SLC35E2B: variants seen among roughly 807,000 people sequenced by gnomAD.
The protein encoded by SLC35E2B is solute carrier family 35 member E2B, also known as solute carrier family 35, member E2B.
A neutral mutation model predicts 32.4 loss-of-function variants in SLC35E2B; 18 were observed. That is an observed-to-expected ratio of 0.56 (90% CI 0.38 to 0.82). The LOEUF (loss-of-function observed/expected upper bound fraction) is 0.82, where lower values mean the gene tolerates loss of function less well. SLC35E2B is among the 40% of genes least tolerant of loss of function. SLC35E2B has a pLI of 0.00. For missense variants in SLC35E2B, 263 were observed against 469.5 expected (o/e 0.56, Z 4.06); for synonymous variants, 132 against 209.1 (o/e 0.63, Z 3.18).
At chr1:1,677,416 G>A (rs1643863087) in intron 2 of SLC35E2B, among the ~76,000 whole-genome samples, 2 of 151,492 alleles carry the variant, frequency 1.3e-5, no homozygotes, top group Non-Finnish European at 2.9e-5. Flanking sequence ...GCACCTTCTC[G>A]ATGGGCTTTG....
chr1:1,680,316 A>AT (rs1337597869), intron 2 of SLC35E2B, among the ~76,000 whole-genome samples: 1 of 151,236 alleles, frequency 6.6e-6, no homozygotes, highest in Non-Finnish European at 1.5e-5. Flanking sequence ...ATTAAAAAAA[A>AT]GTTAAAAAAA....
chr1:1,678,112 C>T (rs931065880), intron 2 of SLC35E2B, among the ~76,000 whole-genome samples: 7 of 152,132 alleles, frequency 4.6e-5, no homozygotes, highest in South Asian at 4.1e-4. Flanking sequence ...CGTGTGGTGC[C>T]GGCCGTGCTG....
chr1:1,662,948 C>G lies in SLC35E2B; in HGVS notation c.*2834G>C. On this transcript the variant is annotated 3_prime_UTR_variant, in exon 10 of 10. Coordinates refer to ENST00000617444, the MANE Select transcript of SLC35E2B (RefSeq NM_001290264.2). ...AAAGTTATTTTAAAAAATGTCTGTA[C>G]AATCGTTAACACGGCCAAGCCAGGC... 1.8e-5 allele frequency: 16 copies of G among 906,904 alleles called. 1 individual carries two copies. Among genetic ancestry groups the G allele is most frequent in the South Asian group, 4.9e-5 (1 of 20,454 alleles). The allele number at this position is 906,904 out of a possible 1,614,324, so 56.2% of individuals were successfully genotyped here. A position where few individuals can be genotyped will look rare whatever the true frequency, so the allele number is the denominator to read the frequency against.
intron 2 of SLC35E2B, among the ~76,000 whole-genome samples, chr1:1,685,750 G>T (rs1557766029): frequency 6.6e-6 from 1 of 152,156 alleles, no homozygotes; most frequent in Non-Finnish European, 1.5e-5. Context: ...GGGTACGCAG[G>T]TGATGGACAC....
At chr1:1,684,789 CAA>C (rs1175219653) in intron 2 of SLC35E2B, among the ~76,000 whole-genome samples, 1 of 23,734 alleles carries the variant, frequency 4.2e-5, no homozygotes, top group African/African-American at 1.8e-4. Flanking sequence ...GACTCCATCT[CAA>C]AAAAAAAAAA....
rs1281784087 is a variant in SLC35E2B, at chr1:1,664,320, G to T, written c.*1462C>A. On this transcript the variant is annotated 3_prime_UTR_variant, in exon 10 of 10. Coordinates refer to ENST00000617444, the MANE Select transcript of SLC35E2B (RefSeq NM_001290264.2). ...CTGAATGATTTTATCTTCAGGAGGGGCTATTTTTGTATTTCCCAGGTGAGA... is the reference window on the plus strand; with the variant it reads ...CTGAATGATTTTATCTTCAGGAGGGTCTATTTTTGTATTTCCCAGGTGAGA... 3.5e-5 allele frequency: 32 copies of T among 919,608 alleles called. 2 individuals carry two copies. The highest frequency in any genetic ancestry group is 4.9e-5 in the South Asian group (1 of 20,594). 57.0% of individuals were successfully genotyped at this position (919,608 alleles called of 1,614,324 possible).
chr1:1,663,926 C>A lies in SLC35E2B; in HGVS notation c.*1856G>T, dbSNP rs2101086810. ...AGCGGCTGAAGCAGGTGTAGTAGCC[C>A]ACGCCTATATTCTCGACACTACAGG... On this transcript the variant is annotated 3_prime_UTR_variant, in exon 10 of 10. Coordinates refer to ENST00000617444, the MANE Select transcript of SLC35E2B (RefSeq NM_001290264.2). 1.5e-6 allele frequency: 1 copy of A among 648,734 alleles called. No homozygotes were observed. Among genetic ancestry groups the A allele is most frequent in the South Asian group, 6.1e-5 (1 of 16,290 alleles). 40.2% of individuals were successfully genotyped at this position (648,734 alleles called of 1,614,324 possible).
intron 2 of SLC35E2B, among the ~76,000 whole-genome samples, chr1:1,689,227 G>A (rs1268494271): frequency 1.3e-5 from 2 of 152,040 alleles, no homozygotes; most frequent in Non-Finnish European, 2.9e-5. Context: ...ACGAGTTGCT[G>A]AAGAAGGAAA....
At chr1:1,673,793 C>T (rs1187642869) in intron 5 of SLC35E2B, among the ~76,000 whole-genome samples, 1 of 151,862 alleles carries the variant, frequency 6.6e-6, no homozygotes, top group Non-Finnish European at 1.5e-5. Flanking sequence ...GAAACCCAGT[C>T]TCTACTAAAA....
Position 1,665,694 on chromosome 1 carries a change from C to G in SLC35E2B, c.*88G>C. 6.7e-7 allele frequency: 1 copy of G among 1,498,890 alleles called. No homozygotes were observed. The allele number at this position is 1,498,890 out of a possible 1,614,324, so 92.8% of individuals were successfully genotyped here. A position where few individuals can be genotyped will look rare whatever the true frequency, so the allele number is the denominator to read the frequency against. On this transcript the variant is annotated 3_prime_UTR_variant, in exon 10 of 10. Coordinates refer to ENST00000617444, the MANE Select transcript of SLC35E2B (RefSeq NM_001290264.2). ...CAACTTAGCTCCCCATGTCCTGCACCCCAGCAGGGCCATGGAGGAGGGCGT... is the reference window on the plus strand; with the variant it reads ...CAACTTAGCTCCCCATGTCCTGCACGCCAGCAGGGCCATGGAGGAGGGCGT...
chr1:1,688,929 T>C (rs939352988), intron 2 of SLC35E2B, among the ~76,000 whole-genome samples: 1 of 151,690 alleles, frequency 6.6e-6, no homozygotes, highest in Non-Finnish European at 1.5e-5. Flanking sequence ...CCCAGCACTT[T>C]GGGAGGCCGA....
At chr1:1,690,276 GT>G (rs1181194832) in intron 2 of SLC35E2B, among the ~76,000 whole-genome samples, 3 of 109,276 alleles carry the variant, frequency 2.7e-5, no homozygotes, top group Non-Finnish European at 5.6e-5. Context: ...ACAAAACTCT[GT>G]CTCAAAAAAA....
At chr1:1,678,764 GACA>G (rs1379362050) in intron 2 of SLC35E2B, among the ~76,000 whole-genome samples, 1 of 152,126 alleles carries the variant, frequency 6.6e-6, no homozygotes, top group Non-Finnish European at 1.5e-5. Flanking sequence ...AGCCTGGGGT[GACA>G]ACAAGCTGGG....
intron 2 of SLC35E2B, among the ~76,000 whole-genome samples, chr1:1,678,513 C>T (rs752573439): frequency 1.6e-4 from 24 of 152,122 alleles, no homozygotes; most frequent in Admixed American, 3.3e-4. Context: ...CATCACACCG[C>T]CAGCTCAGTG....
At position 1,665,020 on chromosome 1, in the gene SLC35E2B, C is replaced by T. The variant is rs185448343; in HGVS notation, c.*762G>A. The T allele has an allele frequency of 7.3e-4, 715 of 975,928 alleles. 3 individuals carry two copies. The African/African-American group carries it at 0.012, about 16-fold the overall frequency. 60.5% of individuals were successfully genotyped at this position (975,928 alleles called of 1,614,324 possible). A position where few individuals can be genotyped will look rare whatever the true frequency, so the allele number is the denominator to read the frequency against. ...TCAACCTCAGGGCTGGAAACCCCCA[C>T]AGGTAGGAGGGCAGGGTGCCCTGGG... On this transcript the variant is annotated 3_prime_UTR_variant, in exon 10 of 10. Transcript: ENST00000617444.
intron 2 of SLC35E2B, among the ~76,000 whole-genome samples, chr1:1,688,558 C>T (rs928054224): frequency 7.9e-5 from 12 of 151,606 alleles, no homozygotes; most frequent in Admixed American, 3.3e-4. Context: ...GGAGATCGCG[C>T]CATTGCACTC....
intron 9 of SLC35E2B, among the ~76,000 whole-genome samples, chr1:1,667,369 C>T (rs954740771): frequency 4.6e-5 from 7 of 152,042 alleles, no homozygotes; most frequent in South Asian, 4.1e-4. Flanking sequence ...GCCGAGACTG[C>T]GATACTGAAC....
Position 1,685,426 on chromosome 1 carries a change from A to G in SLC35E2B, c.-148+5550T>C, listed in dbSNP as rs565469637. ...AAACGTTTTCTCAGAAAAAAAAAAAAAAAAAAGAAAAGGAAAAAGAAATAC... is the reference window on the plus strand; with the variant it reads ...AAACGTTTTCTCAGAAAAAAAAAAAGAAAAAAGAAAAGGAAAAAGAAATAC... On this transcript the variant is annotated intron_variant, in intron 2 of 9. Transcript: ENST00000617444. Among the ~76,000 whole-genome samples, 201 of 151,332 alleles carry G rather than the reference A, an allele frequency of 1.3e-3. 1 individual carries two copies. The highest frequency in any genetic ancestry group is 4.6e-3 in the African/African-American group (190 of 41,170).
intron 9 of SLC35E2B, among the ~76,000 whole-genome samples, chr1:1,667,478 G>A (rs1643578057): frequency 6.6e-6 from 1 of 152,098 alleles, no homozygotes; most frequent in Admixed American, 6.6e-5. Flanking sequence ...AATCTGCCCA[G>A]TTACAGAAGT....
Sources: gnomAD v4.1 joint callset for allele counts (sites outside exome capture counted in the v4.1 genomes callset) on GRCh38, gnomAD v4.1.1 for gene constraint, MANE v1.5 for transcripts, NCBI Gene and HGNC (gene_info 2026-07-23, HGNC 2026-07-21) for gene names.